The following DCC variants were observed in gnomAD, a reference collection of about 807,000 sequenced individuals.
The protein encoded by DCC is DCC netrin 1 receptor.
A neutral mutation model predicts 172.5 loss-of-function variants in DCC; 58 were observed. The observed-to-expected ratio is 0.34, with a 90% CI of 0.27 to 0.42. DCC has a LOEUF of 0.42. Ranked by LOEUF, DCC falls within the 10% of genes least tolerant of loss-of-function variation. DCC has a pLI of 1.00. For missense variants in DCC, 1,740 were observed against 1,791.0 expected (o/e 0.97, Z 0.51); for synonymous variants, 709 against 644.5 (o/e 1.10, Z -1.52).
intron 5 of DCC, among the ~76,000 whole-genome samples, chr18:52,988,947 CT>C (rs1239432850): frequency 2.0e-5 from 3 of 151,284 alleles, no homozygotes; most frequent in Admixed American, 6.6e-5. Flanking sequence ...AGCGATATCC[CT>C]TTATCATTAC....
intron 5 of DCC, among the ~76,000 whole-genome samples, chr18:53,019,696 A>C (rs2041853535): frequency 6.6e-6 from 1 of 152,168 alleles, no homozygotes; most frequent in Admixed American, 6.5e-5. Flanking sequence ...TGGCAAATTA[A>C]GGACCATGGA....
intron 5 of DCC, among the ~76,000 whole-genome samples, chr18:52,941,675 G>C (rs2145525051): frequency 6.6e-6 from 1 of 152,104 alleles, no homozygotes; most frequent in Admixed American, 6.5e-5. Flanking sequence ...CAGAAAAGTA[G>C]ACAAAAATTA....
chr18:53,496,278 C>T (rs1470243637), intron 26 of DCC, among the ~76,000 whole-genome samples: 2 of 152,134 alleles, frequency 1.3e-5, no homozygotes, highest in Non-Finnish European at 2.9e-5. Context: ...CTTTGCTGTC[C>T]TGCAGCCTCC....
intron 1 of DCC, among the ~76,000 whole-genome samples, chr18:52,672,044 C>T (rs994088149): frequency 3.9e-5 from 6 of 152,090 alleles, no homozygotes; most frequent in African/African-American, 1.4e-4. Context: ...TTTGGCATAA[C>T]CAATCAGTTT....
chr18:53,421,267 T>C (rs1025945748), intron 21 of DCC, among the ~76,000 whole-genome samples: 8 of 152,210 alleles, frequency 5.3e-5, no homozygotes, highest in Non-Finnish European at 1.0e-4. Context: ...TACTCTTTCA[T>C]GTGTGTTTCT....
At chr18:52,683,228 G>A (rs1305856619) in intron 1 of DCC, among the ~76,000 whole-genome samples, 1 of 152,032 alleles carries the variant, frequency 6.6e-6, no homozygotes, top group African/African-American at 2.4e-5. Flanking sequence ...AGTAGGTAGT[G>A]GTTCCAGGTT....
intron 5 of DCC, among the ~76,000 whole-genome samples, chr18:53,001,667 G>A (rs965588370): frequency 1.2e-4 from 19 of 152,012 alleles, no homozygotes; most frequent in Admixed American, 3.9e-4. Flanking sequence ...AATCATACAC[G>A]TGTTTTTGTT....
At chr18:52,786,847 T>C (rs533813781) in intron 2 of DCC, among the ~76,000 whole-genome samples, 2 of 152,214 alleles carry the variant, frequency 1.3e-5, no homozygotes, top group Non-Finnish European at 2.9e-5. Flanking sequence ...CAAGTCGAGA[T>C]TGACTCCTTA....
chr18:52,354,437 A>C (rs1166973857), intron 1 of DCC, among the ~76,000 whole-genome samples: 19 of 152,240 alleles, frequency 1.2e-4, no homozygotes, highest in Admixed American at 1.2e-3. Flanking sequence ...GAAGCAACTT[A>C]GATGGAGGCC....
chr18:53,246,585 C>G (rs1019460086), intron 12 of DCC, among the ~76,000 whole-genome samples: 1 of 151,732 alleles, frequency 6.6e-6, no homozygotes, highest in Non-Finnish European at 1.5e-5. Context: ...CAGTACAACA[C>G]CATAGACAAT....
At chr18:53,148,532 A>C (rs2043949806) in intron 7 of DCC, among the ~76,000 whole-genome samples, 1 of 152,186 alleles carries the variant, frequency 6.6e-6, no homozygotes, top group Non-Finnish European at 1.5e-5. Context: ...AGTTGGGGAA[A>C]GATGCCAGGA....
At chr18:53,223,306 A>G (rs2144596752) in intron 12 of DCC, among the ~76,000 whole-genome samples, 1 of 152,282 alleles carries the variant, frequency 6.6e-6, no homozygotes, top group Non-Finnish European at 1.5e-5. Context: ...ATACTTGCAC[A>G]AAGGATTTTG....
At chr18:53,319,332 G>A (rs2057380408) in intron 13 of DCC, among the ~76,000 whole-genome samples, 1 of 152,066 alleles carries the variant, frequency 6.6e-6, no homozygotes, top group Non-Finnish European at 1.5e-5. Context: ...TGGTTAAAGA[G>A]TCAAGACCTA....
chr18:52,358,705 A>T (rs1183114848), intron 1 of DCC, among the ~76,000 whole-genome samples: 2 of 152,048 alleles, frequency 1.3e-5, no homozygotes, highest in African/African-American at 4.8e-5. Flanking sequence ...CTTTCCTTAC[A>T]TGTTTCTAGG....
intron 1 of DCC, among the ~76,000 whole-genome samples, chr18:52,573,273 A>C (rs1202565333): frequency 1.3e-5 from 2 of 152,152 alleles, no homozygotes; most frequent in Non-Finnish European, 2.9e-5. Flanking sequence ...TGCATATGCT[A>C]TATACTTCTC....
intron 26 of DCC, among the ~76,000 whole-genome samples, chr18:53,488,504 T>A (rs1413133332): frequency 6.6e-6 from 1 of 152,198 alleles, no homozygotes; most frequent in Non-Finnish European, 1.5e-5. Context: ...TGTTACTCAT[T>A]TCTTGTCCCT....
At chr18:53,368,498 A>G (rs1478224783) in intron 15 of DCC, among the ~76,000 whole-genome samples, 1 of 152,100 alleles carries the variant, frequency 6.6e-6, no homozygotes, top group Non-Finnish European at 1.5e-5. Context: ...TGTTGGTGTC[A>G]TATCCAAGAA....
chr18:53,165,768 G>T (rs947282651), intron 8 of DCC, among the ~76,000 whole-genome samples: 8 of 152,136 alleles, frequency 5.3e-5, no homozygotes, highest in Non-Finnish European at 1.0e-4. Context: ...GCAGTGTATT[G>T]AAAATAGAAG....
chr18:53,145,773 A>G (rs2043903179), intron 7 of DCC, among the ~76,000 whole-genome samples: 1 of 152,224 alleles, frequency 6.6e-6, no homozygotes, highest in Non-Finnish European at 1.5e-5. Context: ...AGAGAAAGAA[A>G]TAAATAGAAA....
Sources: allele counts gnomAD v4.1 joint callset (sites outside exome capture counted in the v4.1 genomes callset), GRCh38; gene constraint gnomAD v4.1.1; transcripts MANE v1.5; gene names NCBI Gene and HGNC (gene_info 2026-07-23, HGNC 2026-07-21).